GNAO1: variants seen among roughly 807,000 people sequenced by gnomAD.
GNAO1 encodes G protein subunit alpha o1.
For synonymous variants in GNAO1, 164 were observed against 180.7 expected, an observed-to-expected ratio of 0.91 and a Z score of 0.74; for missense variants, 166 against 478.7, an observed-to-expected ratio of 0.35 and a Z score of 6.10.
intron 6 of GNAO1, among the ~76,000 whole-genome samples, chr16:56,338,715 C>T (rs756095246): frequency 3.3e-5 from 5 of 152,248 alleles, no homozygotes; most frequent in Non-Finnish European, 7.3e-5. Flanking sequence ...TGGGCTCTCG[C>T]TCACCTCTGG....
At chr16:56,256,738 G>C (rs534226243) in intron 2 of GNAO1, among the ~76,000 whole-genome samples, 35 of 151,382 alleles carry the variant, frequency 2.3e-4, no homozygotes, top group African/African-American at 8.5e-4. Context: ...GTGTGTGTGT[G>C]TGTGTGTGTG....
rs768258979 is a variant in GNAO1, at chr16:56,336,749, C to G, written c.612C>G (p.Gly204=). 3.1e-6 allele frequency: 5 copies of G among 1,612,570 alleles called. No homozygotes were observed. Among genetic ancestry groups the G allele is most frequent in the Non-Finnish European group, 4.2e-6 (5 of 1,179,604 alleles). Residue 204 remains glycine, a synonymous_variant, in exon 6 of 9, where the codon GGC becomes GGG. Coordinates refer to ENST00000262493, the MANE Select transcript of GNAO1 (RefSeq NM_020988.3). ...CCTACAGGCTGTTTGACGTCGGAGGCCAGCGATCTGAACGCAAGAAGTGGA... is the reference window on the plus strand; with the variant it reads ...CCTACAGGCTGTTTGACGTCGGAGGGCAGCGATCTGAACGCAAGAAGTGGA... ...NLHFRLFDVG[G]QRSERKKWIH... is the part of the protein sequence containing the mutation.
At chr16:56,289,009 A>G (rs535497476) in intron 3 of GNAO1, among the ~76,000 whole-genome samples, 2 of 148,600 alleles carry the variant, frequency 1.3e-5, no homozygotes, top group East Asian at 2.1e-4. Flanking sequence ...GCCAAGCACA[A>G]GGTTCTTCCT....
chr16:56,302,200 A>C (rs1417980022), intron 3 of GNAO1: 1 of 152,212 alleles, frequency 6.6e-6, no homozygotes, highest in Non-Finnish European at 1.5e-5. Context: ...TGGGTTCTAG[A>C]ATCTTGATAG....
chr16:56,333,526 C>T (rs1057364692), intron 4 of GNAO1, among the ~76,000 whole-genome samples: 2 of 152,218 alleles, frequency 1.3e-5, no homozygotes, highest in Admixed American at 1.3e-4. Context: ...TTCATTTTCT[C>T]GCAGTGTGAC....
At position 56,233,200 on chromosome 16, in the gene GNAO1, C is replaced by T. The variant is rs149026300; in HGVS notation, c.161+40584C>T. Among the ~76,000 whole-genome samples the T allele has an allele frequency of 1.8e-3, 278 of 152,172 alleles. 1 individual carries two copies. The highest frequency in any genetic ancestry group is 6.2e-3 in the African/African-American group (257 of 41,504). On this transcript the variant is annotated intron_variant, in intron 2 of 8. Coordinates refer to ENST00000262493, the MANE Select transcript of GNAO1 (RefSeq NM_020988.3). ...TGTGTTTAACATTTAGAATGGGGTC[C>T]GATACAAAGCCGATACTTACCTGTT...
At chr16:56,330,014 A>G (rs2037673513) in intron 4 of GNAO1, among the ~76,000 whole-genome samples, 2 of 152,350 alleles carry the variant, frequency 1.3e-5, no homozygotes, top group African/African-American at 2.4e-5. Context: ...GCTGAGGCCA[A>G]TGTTCACTCC....
chr16:56,350,179 G>T (rs2037907977), intron 6 of GNAO1, among the ~76,000 whole-genome samples: 1 of 151,188 alleles, frequency 6.6e-6, no homozygotes. Context: ...GGGGGAGGAG[G>T]TCATCTCCCC....
chr16:56,197,006 C>G (rs1596791281), intron 2 of GNAO1, among the ~76,000 whole-genome samples: 2 of 152,300 alleles, frequency 1.3e-5, no homozygotes, highest in Middle Eastern at 3.4e-3. Flanking sequence ...ATTAGGGTAT[C>G]TACTGTTTGG....
At chr16:56,274,584 A>G (rs1279792685) in intron 2 of GNAO1, among the ~76,000 whole-genome samples, 1 of 152,234 alleles carries the variant, frequency 6.6e-6, no homozygotes, top group Non-Finnish European at 1.5e-5. Context: ...ATTCAGTAAT[A>G]AAAAGGAATG....
rs2550301 is a variant in GNAO1, at chr16:56,354,414, G to A, written c.878-452G>A. On this transcript the variant is annotated intron_variant, in intron 7 of 8. Coordinates refer to ENST00000262493, the MANE Select transcript of GNAO1 (RefSeq NM_020988.3). The surrounding 1 kb of genome is among the most constrained non-coding windows in gnomAD (Gnocchi z 4.3). ...GGCAAGGCCAGGCGTGGTGGCTCAC[G>A]TCTGTAATCCCAGCACTTTGGGAGG... Among the ~76,000 whole-genome samples, 194 of 152,340 alleles carry A rather than the reference G, an allele frequency of 1.3e-3. No homozygotes were observed. The highest frequency in any genetic ancestry group is 4.3e-3 in the African/African-American group (179 of 41,582).
At chr16:56,320,445 T>C (rs2037559490) in intron 3 of GNAO1, among the ~76,000 whole-genome samples, 1 of 152,236 alleles carries the variant, frequency 6.6e-6, no homozygotes, top group Non-Finnish European at 1.5e-5. Context: ...GTGAGAACAC[T>C]GAGCCTCAGA....
intron 2 of GNAO1, among the ~76,000 whole-genome samples, chr16:56,272,287 C>G (rs537020739): frequency 2.0e-5 from 3 of 151,414 alleles, no homozygotes; most frequent in South Asian, 4.2e-4. Flanking sequence ...CCAGCCTGGG[C>G]GACAGACAGA....
chr16:56,353,289 G>A (rs1444224301), intron 7 of GNAO1: 1 of 152,228 alleles, frequency 6.6e-6, no homozygotes, highest in East Asian at 1.9e-4. Flanking sequence ...GCTCTTTCTT[G>A]CCCAGTGTCC....
At chr16:56,242,207 G>GGAA (rs10699751) in intron 2 of GNAO1, among the ~76,000 whole-genome samples, 103,097 of 151,704 alleles carry the variant, frequency 0.68, 35,521 homozygotes, top group African/African-American at 0.79. Context: ...AGGAGAAGAA[G>GGAA]GAAGATGAAA....
intron 6 of GNAO1, among the ~76,000 whole-genome samples, chr16:56,343,443 G>A (rs574517319): frequency 3.4e-5 from 5 of 145,982 alleles, no homozygotes; most frequent in South Asian, 4.3e-4. Context: ...AGCCCTGATC[G>A]TACCACCACA....
intron 2 of GNAO1, among the ~76,000 whole-genome samples, chr16:56,218,876 C>T (rs550825232): frequency 7.2e-5 from 11 of 152,150 alleles, no homozygotes; most frequent in African/African-American, 1.9e-4. Context: ...ACCCATAGAC[C>T]GCTGGTGTTT....
At chr16:56,194,062 G>A (rs913530277) in intron 2 of GNAO1, 21 of 454,506 alleles carry the variant, frequency 4.6e-5, no homozygotes, top group Non-Finnish European at 8.9e-5. Flanking sequence ...ATGTGTAACA[G>A]GCATGACAAG....
At chr16:56,212,474 G>C (rs1376226878) in intron 2 of GNAO1, among the ~76,000 whole-genome samples, 2 of 152,140 alleles carry the variant, frequency 1.3e-5, no homozygotes, top group African/African-American at 4.8e-5. Context: ...TGCTTTCAGT[G>C]GTCCCACCTC....
Sources: allele counts gnomAD v4.1 joint callset (sites outside exome capture counted in the v4.1 genomes callset), GRCh38; gene constraint gnomAD v4.1.1; non-coding constraint Gnocchi (gnomAD v3.1); transcripts MANE v1.5; gene names NCBI Gene and HGNC (gene_info 2026-07-23, HGNC 2026-07-21).